Variants in NTM observed in about 807,000 individuals in gnomAD.
The protein encoded by NTM is IgLON family member 2.
A neutral mutation model predicts 42.1 loss-of-function variants in NTM; 13 were observed. The ratio of observed to expected loss-of-function variants is 0.31; its 90% confidence interval spans 0.20 to 0.49. The LOEUF is 0.49. Ranked by LOEUF, NTM falls within the 20% of genes least tolerant of loss-of-function variation. The probability of loss-of-function intolerance (pLI) is 0.99; values close to 1 mark genes in which losing one functional copy is unlikely to be tolerated. For synonymous variants in NTM, 187 were observed against 179.2 expected (o/e 1.04, Z -0.35); for missense variants, 373 against 452.8 (o/e 0.82, Z 1.60).
intron 1 of NTM, among the ~76,000 whole-genome samples, chr11:131,633,944 G>A (rs548381931): frequency 3.3e-5 from 5 of 151,874 alleles, no homozygotes; most frequent in East Asian, 1.9e-4. Context: ...GGTATATTAC[G>A]CTCAGACAAT....
chr11:131,955,502 A>G (rs2061462841), intron 2 of NTM, among the ~76,000 whole-genome samples: 1 of 152,180 alleles, frequency 6.6e-6, no homozygotes, highest in African/African-American at 2.4e-5. Flanking sequence ...TGTAAAGGGG[A>G]AAATGTAGAT....
intron 1 of NTM, among the ~76,000 whole-genome samples, chr11:131,720,698 G>A (rs2078228347): frequency 2.0e-5 from 3 of 152,164 alleles, no homozygotes; most frequent in Non-Finnish European, 4.4e-5. Flanking sequence ...TTAGGCTAAT[G>A]GACTATTTTG....
chr11:131,487,981 G>T (rs1954365792), intron 1 of NTM, among the ~76,000 whole-genome samples: 1 of 152,206 alleles, frequency 6.6e-6, no homozygotes, highest in Admixed American at 6.5e-5. Context: ...ACAGACCAGA[G>T]CTGGTAGTGG....
intron 1 of NTM, among the ~76,000 whole-genome samples, chr11:131,422,919 C>A (rs1017084420): frequency 2.0e-5 from 3 of 152,168 alleles, no homozygotes; most frequent in African/African-American, 7.2e-5. Flanking sequence ...TACTTTATAA[C>A]CATGAATGAA....
intron 1 of NTM, among the ~76,000 whole-genome samples, chr11:131,567,068 G>T (rs1196702679): frequency 6.6e-6 from 1 of 152,086 alleles, no homozygotes; most frequent in African/African-American, 2.4e-5. Flanking sequence ...GTGTAAGCTG[G>T]GGAGATGGGC....
chr11:132,160,031 C>T (rs1298311808), intron 3 of NTM, among the ~76,000 whole-genome samples: 2 of 152,166 alleles, frequency 1.3e-5, no homozygotes, highest in African/African-American at 4.8e-5. Flanking sequence ...TGAAAAAGAG[C>T]TGCTCCCCTA....
At chr11:132,217,356 T>TGTGTGTGTGTGTG (rs1491403568) in intron 4 of NTM, among the ~76,000 whole-genome samples, 20 of 135,318 alleles carry the variant, frequency 1.5e-4, no homozygotes, top group Admixed American at 9.7e-4. Context: ...CTCTCTCTCT[T>TGTGTGTGTGTGTG]TCTGTGTGTG....
In NTM at chr11:131,705,132, A is replaced by G. The variant is rs147179351; in HGVS notation, c.83-206432A>G. Among the ~76,000 whole-genome samples, 222 of 152,306 alleles carry G rather than the reference A, an allele frequency of 1.5e-3. 1 individual carries two copies. The highest frequency in any genetic ancestry group is 2.3e-3 in the Non-Finnish European group (156 of 68,018). On this transcript the variant is annotated intron_variant, in intron 1 of 8. Transcript: ENST00000683400. ...ACATCCAAATCCATGATTCCAAAAC[A>G]ACCCCAAATAGGTTAAACAGAAAGA...
At chr11:131,848,226 G>A (rs2045150413) in intron 1 of NTM, among the ~76,000 whole-genome samples, 1 of 152,130 alleles carries the variant, frequency 6.6e-6, no homozygotes, top group African/African-American at 2.4e-5. Flanking sequence ...CCTCCATACA[G>A]GTCTAACTTG....
intron 2 of NTM, among the ~76,000 whole-genome samples, chr11:132,118,760 G>T (rs185662358): frequency 6.6e-6 from 1 of 152,164 alleles, no homozygotes; most frequent in East Asian, 1.9e-4. Flanking sequence ...TGAGATCGCA[G>T]CGTCAGATTG....
At position 132,070,687 on chromosome 11, in the gene NTM, G is replaced by A. The variant is rs562606454; in HGVS notation, c.168-75595G>A. Among the ~76,000 whole-genome samples, 224 of 141,886 alleles carry A rather than the reference G, an allele frequency of 1.6e-3. 8 individuals are homozygous for A. Among genetic ancestry groups the A allele is most frequent in the African/African-American group, 5.7e-3 (219 of 38,376 alleles). The allele number at this position is 141,886 out of a possible 152,430, so 93.1% of individuals were successfully genotyped here. ...ACACGTCACACAGCCAAGTTAACAC[G>A]TCAAACTGACCATCACAGGTTAGTT... On this transcript the variant is annotated intron_variant, in intron 2 of 8. Transcript: ENST00000683400.
chr11:132,032,271 T>C (rs2076027155), intron 2 of NTM, among the ~76,000 whole-genome samples: 1 of 152,204 alleles, frequency 6.6e-6, no homozygotes, highest in Admixed American at 6.5e-5. Flanking sequence ...GCTCTGGCTT[T>C]GTCTCCTTGT....
At chr11:131,732,092 T>G (rs2079774551) in intron 1 of NTM, among the ~76,000 whole-genome samples, 1 of 152,194 alleles carries the variant, frequency 6.6e-6, no homozygotes, top group Non-Finnish European at 1.5e-5. Context: ...ATCTATAAAC[T>G]GAAGATAATT....
chr11:131,705,228 A>G (rs1335859838), intron 1 of NTM, among the ~76,000 whole-genome samples: 3 of 152,230 alleles, frequency 2.0e-5, no homozygotes, highest in Non-Finnish European at 4.4e-5. Flanking sequence ...AAGCAGTAAG[A>G]GAAAAGTGAC....
intron 1 of NTM, among the ~76,000 whole-genome samples, chr11:131,684,886 G>A (rs1482009593): frequency 1.3e-5 from 2 of 152,208 alleles, no homozygotes; most frequent in African/African-American, 2.4e-5. Context: ...TTGGAGGTGG[G>A]CAAGAAGACC....
intron 3 of NTM, among the ~76,000 whole-genome samples, chr11:132,180,131 T>A (rs2077353870): frequency 6.6e-6 from 1 of 152,202 alleles, no homozygotes; most frequent in Admixed American, 6.5e-5. Flanking sequence ...AGAAAGTGAT[T>A]CATTCAATAT....
chr11:131,874,565 G>A (rs1334619244), intron 1 of NTM, among the ~76,000 whole-genome samples: 4 of 152,114 alleles, frequency 2.6e-5, no homozygotes, highest in East Asian at 1.9e-4. Flanking sequence ...AGTTTTGAGG[G>A]TGGTAGTTAA....
chr11:131,456,432 A>G (rs1950898119), intron 1 of NTM, among the ~76,000 whole-genome samples: 1 of 151,680 alleles, frequency 6.6e-6, no homozygotes, highest in Non-Finnish European at 1.5e-5. Flanking sequence ...CTGCTTCAGA[A>G]CTGAGCTGGG....
At chr11:131,473,858 T>C (rs772116042) in intron 1 of NTM, among the ~76,000 whole-genome samples, 1 of 152,216 alleles carries the variant, frequency 6.6e-6, no homozygotes, top group Non-Finnish European at 1.5e-5. Flanking sequence ...TCCTTCCATC[T>C]CTGGCGTCTT....
Sources: gnomAD v4.1 joint callset for allele counts (sites outside exome capture counted in the v4.1 genomes callset) on GRCh38, gnomAD v4.1.1 for gene constraint, MANE v1.5 for transcripts, NCBI Gene and HGNC (gene_info 2026-07-23, HGNC 2026-07-21) for gene names.